RAD51B: variants seen among roughly 807,000 people sequenced by gnomAD.
RAD51B encodes the protein RAD51 paralog B, also known as DNA repair protein RAD51 homolog 2.
Under a neutral mutation model 42.2 loss-of-function variants are expected in RAD51B, and 38 were observed. The observed-to-expected ratio is 0.90, with a 90% CI of 0.70 to 1.18. The LOEUF (loss-of-function observed/expected upper bound fraction) is 1.18. RAD51B is among the 50% of genes most tolerant of loss of function. The probability of loss-of-function intolerance (pLI) is 0.00; values close to 1 mark genes in which losing one functional copy is unlikely to be tolerated. For missense variants in RAD51B, 373 were observed against 400.7 expected (o/e 0.93, Z 0.59); for synonymous variants, 154 against 145.2 (o/e 1.06, Z -0.43).
At chr14:68,457,905 G>C (rs189267545) in intron 9 of RAD51B, among the ~76,000 whole-genome samples, 1 of 143,976 alleles carries the variant, frequency 6.9e-6, no homozygotes, top group Non-Finnish European at 1.5e-5. Context: ...GAGCCACTGC[G>C]CCCAGCCCTA....
intron 4 of RAD51B, among the ~76,000 whole-genome samples, chr14:67,859,987 A>C (rs972217944): frequency 6.6e-6 from 1 of 151,958 alleles, no homozygotes; most frequent in Non-Finnish European, 1.5e-5. Flanking sequence ...CGCCTGGCTA[A>C]TTTTTTGTAT....
In RAD51B at chr14:67,869,221, C is replaced by G. The variant is rs552707085; in HGVS notation, c.452+4082C>G. Among the ~76,000 whole-genome samples the G allele has an allele frequency of 2.9e-3, 438 of 152,184 alleles. 4 individuals are homozygous for G. Among genetic ancestry groups the G allele is most frequent in the African/African-American group, 9.4e-3 (391 of 41,508 alleles). On this transcript the variant is annotated intron_variant, in intron 5 of 10. Transcript: ENST00000471583. ...TAGAAGAATGTATAACTAGAATAAC[C>G]AAGACAGGGAAGTGCTTAAAGGAGC...
chr14:68,489,103 G>A (rs1594904922), intron 10 of RAD51B, among the ~76,000 whole-genome samples: 6 of 149,756 alleles, frequency 4.0e-5, no homozygotes, highest in East Asian at 2.0e-4. Context: ...ACAGGCGCAC[G>A]CCACCACGCC....
chr14:68,478,185 C>A, downstream of RAD51B: 1 of 1,013,032 alleles, frequency 9.9e-7, no homozygotes. Flanking sequence ...TGGGGGCGGG[C>A]ATGGGCAAGG....
At chr14:68,257,381 G>A (rs1421914161) in intron 7 of RAD51B, among the ~76,000 whole-genome samples, 3 of 151,796 alleles carry the variant, frequency 2.0e-5, no homozygotes, top group African/African-American at 7.3e-5. Flanking sequence ...AATTAAAAAA[G>A]CAATGGAACA....
intron 7 of RAD51B, among the ~76,000 whole-genome samples, chr14:68,162,277 CT>C (rs2078655869): frequency 1.3e-5 from 2 of 152,036 alleles, no homozygotes; most frequent in Admixed American, 1.3e-4. Context: ...ACGTAAATTC[CT>C]TTTTAAAATA....
intron 7 of RAD51B, among the ~76,000 whole-genome samples, chr14:67,948,453 A>G (rs1055419677): frequency 2.6e-5 from 4 of 152,150 alleles, no homozygotes; most frequent in Non-Finnish European, 5.9e-5. Context: ...TGGTTTTGGT[A>G]GCAAATTTGC....
Position 68,549,101 on chromosome 14 carries a change from G to A in RAD51B, c.1037-45384G>A, listed in dbSNP as rs1013622454. The stretch of plus-strand genomic sequence containing the variant: ...TGGGAGCTGAGGGTTTTGAGCCCCA[G>A]GAGTAGGTCAGGTTCTTCAAAAGCC... On this transcript the variant is annotated intron_variant, in intron 10 of 10. Transcript: ENST00000487270. Among the ~76,000 whole-genome samples the A allele has an allele frequency of 6.2e-4, 95 of 152,280 alleles. 1 individual carries two copies. Among genetic ancestry groups the A allele is most frequent in the Admixed American group, 6.1e-3 (94 of 15,300 alleles).
intron 8 of RAD51B, among the ~76,000 whole-genome samples, chr14:68,367,026 A>C (rs555541059): frequency 6.6e-6 from 1 of 152,346 alleles, no homozygotes; most frequent in South Asian, 2.1e-4. Flanking sequence ...GCAGCTTCCA[A>C]CTGTAACATT....
intron 7 of RAD51B, among the ~76,000 whole-genome samples, chr14:68,192,340 C>T (rs1177498380): frequency 6.6e-6 from 1 of 152,146 alleles, no homozygotes; most frequent in Non-Finnish European, 1.5e-5. Context: ...GGTGCTCCTT[C>T]TTGTTTCATT....
intron 7 of RAD51B, among the ~76,000 whole-genome samples, chr14:68,118,111 C>A (rs1391566016): frequency 6.6e-6 from 1 of 152,020 alleles, no homozygotes; most frequent in East Asian, 1.9e-4. Flanking sequence ...ATATTTATTT[C>A]CTTTTTATTT....
At chr14:68,678,042 A>C (rs940445389) in intron 11 of RAD51B, among the ~76,000 whole-genome samples, 9 of 152,188 alleles carry the variant, frequency 5.9e-5, no homozygotes, top group Non-Finnish European at 1.2e-4. Context: ...GTTAACCTGC[A>C]CTACAACTTT....
intron 8 of RAD51B, among the ~76,000 whole-genome samples, chr14:68,370,011 G>A (rs2083221254): frequency 6.6e-6 from 1 of 152,192 alleles, no homozygotes; most frequent in South Asian, 2.1e-4. Context: ...AGGGAAAAAA[G>A]ACAAAGTTAA....
At chr14:67,932,034 T>C (rs1318981871) in intron 7 of RAD51B, among the ~76,000 whole-genome samples, 1 of 152,204 alleles carries the variant, frequency 6.6e-6, no homozygotes, top group Non-Finnish European at 1.5e-5. Context: ...CAAAGTTATA[T>C]TATGTGATGC....
At chr14:68,435,492 G>GTTTTTTTTTTTTTTTTTTTTTTT in intron 9 of RAD51B, among the ~76,000 whole-genome samples, 1 of 128,150 alleles carries the variant, frequency 7.8e-6, no homozygotes, top group Non-Finnish European at 1.7e-5. Context: ...GTGGTTTTTG[G>GTTTTTTTTTTTTTTTTTTTTTTT]TTTTTTTTTT....
intron 8 of RAD51B, among the ~76,000 whole-genome samples, chr14:68,350,979 T>C (rs142831264): frequency 3.3e-5 from 5 of 152,330 alleles, no homozygotes; most frequent in Non-Finnish European, 5.9e-5. Flanking sequence ...AAGGAATCCT[T>C]TCTTCATGGC....
chr14:68,575,495 G>T (rs1427589539), intron 10 of RAD51B, among the ~76,000 whole-genome samples: 2 of 152,126 alleles, frequency 1.3e-5, no homozygotes, highest in Non-Finnish European at 2.9e-5. Flanking sequence ...CTCTTCCCTG[G>T]GTCTTAGGCC....
At chr14:68,639,230 A>G (rs934120563) in intron 10 of RAD51B, among the ~76,000 whole-genome samples, 2 of 152,200 alleles carry the variant, frequency 1.3e-5, no homozygotes, top group Admixed American at 1.3e-4. Flanking sequence ...TTGCTCACAT[A>G]AAGCTAATTT....
intron 7 of RAD51B, among the ~76,000 whole-genome samples, chr14:68,188,061 C>T (rs947780826): frequency 2.0e-5 from 3 of 152,112 alleles, no homozygotes; most frequent in African/African-American, 7.2e-5. Context: ...GTCATCCACC[C>T]GCCTCAGCCT....
Sources: gnomAD v4.1 joint callset for allele counts (sites outside exome capture counted in the v4.1 genomes callset) on GRCh38, gnomAD v4.1.1 for gene constraint, MANE v1.5 for transcripts, NCBI Gene and HGNC (gene_info 2026-07-23, HGNC 2026-07-21) for gene names.